The following TRHDE variants were observed in gnomAD, a reference collection of about 807,000 sequenced individuals.
The protein encoded by TRHDE is thyrotropin-releasing hormone-degrading ectoenzyme.
Under a neutral mutation model 125.7 loss-of-function variants are expected in TRHDE, and 72 were observed. The observed-to-expected ratio is 0.57, with a 90% CI of 0.47 to 0.70. TRHDE has a LOEUF of 0.70. TRHDE is among the 30% of genes least tolerant of loss of function. TRHDE has a pLI of 0.00. For synonymous variants in TRHDE, 509 were observed against 509.1 expected (o/e 1.00, Z 0.00); for missense variants, 1,110 against 1,327.1 (o/e 0.84, Z 2.54).
intron 12 of TRHDE, among the ~76,000 whole-genome samples, chr12:72,594,430 C>G (rs890818208): frequency 6.6e-6 from 1 of 150,814 alleles, no homozygotes. Flanking sequence ...GTTGGTCAGG[C>G]TGGTCTCGAA....
At chr12:72,201,834 T>C (rs1877566327) in intron 2 of TRHDE, among the ~76,000 whole-genome samples, 1 of 152,224 alleles carries the variant, frequency 6.6e-6, no homozygotes, top group Non-Finnish European at 1.5e-5. Context: ...TAAAATGTCC[T>C]CTGGTCTCTG....
At chr12:72,160,896 T>C (rs952847199) in intron 2 of TRHDE, among the ~76,000 whole-genome samples, 7 of 152,166 alleles carry the variant, frequency 4.6e-5, no homozygotes, top group African/African-American at 1.7e-4. Context: ...TACTGTTTTG[T>C]TGGCAGTATT....
At position 72,126,233 on chromosome 12, in the gene TRHDE, C is replaced by T. The variant is rs566152250; in HGVS notation, n.279+20481C>T. On this transcript the variant is annotated intron_variant and non_coding_transcript_variant, in intron 2 of 4. Transcript: ENST00000548156. ...TAAATGACGCAAACGGAAACACATTCCATGCTCATGGATTAAAAGATCGGT... is the reference window on the plus strand; with the variant it reads ...TAAATGACGCAAACGGAAACACATTTCATGCTCATGGATTAAAAGATCGGT... Among the ~76,000 whole-genome samples, 13 of 152,258 alleles carry T rather than the reference C, an allele frequency of 8.5e-5. No individual in the cohort carries two copies. The East Asian group carries it at 1.4e-3, about 16-fold the overall frequency.
At chr12:72,521,424 G>A (rs187456349) in intron 6 of TRHDE, among the ~76,000 whole-genome samples, 1 of 152,310 alleles carries the variant, frequency 6.6e-6, no homozygotes, top group African/African-American at 2.4e-5. Context: ...ACCCTGAGTG[G>A]AGATGAGCAT....
At chr12:72,117,486 A>G (rs1030952526) in intron 2 of TRHDE, among the ~76,000 whole-genome samples, 3 of 152,116 alleles carry the variant, frequency 2.0e-5, no homozygotes, top group Admixed American at 2.0e-4. Flanking sequence ...ACAGTTCTGT[A>G]GCATAATTTG....
intron 9 of TRHDE, among the ~76,000 whole-genome samples, chr12:72,566,295 A>C (rs1870438361): frequency 6.6e-6 from 1 of 151,940 alleles, no homozygotes; most frequent in Admixed American, 6.5e-5. Flanking sequence ...GAGTAGAGAA[A>C]AATTATTCTT....
intron 3 of TRHDE, among the ~76,000 whole-genome samples, chr12:72,383,191 C>A (rs145154240): frequency 1.2e-4 from 19 of 152,144 alleles, no homozygotes; most frequent in African/African-American, 4.6e-4. Flanking sequence ...TATATCTATG[C>A]GCCCTATTTT....
intron 15 of TRHDE, among the ~76,000 whole-genome samples, chr12:72,637,502 C>T (rs1463697190): frequency 1.3e-5 from 2 of 151,996 alleles, no homozygotes; most frequent in African/African-American, 2.4e-5. Flanking sequence ...TCTCTATGTC[C>T]TTCAGTTCTG....
At chr12:72,264,083 C>G (rs1215391148) in intron 2 of TRHDE, 1 of 151,994 alleles carries the variant, frequency 6.6e-6, no homozygotes, top group Non-Finnish European at 1.5e-5. Context: ...TAAATTCTAA[C>G]ATGTTCAGGT....
chr12:72,455,740 ATTTAC>A (rs1875812112), intron 3 of TRHDE, among the ~76,000 whole-genome samples: 3 of 152,092 alleles, frequency 2.0e-5, no homozygotes, highest in Admixed American at 2.0e-4. Flanking sequence ...GAGGTATTGT[ATTTAC>A]TTAGCTAATT....
chr12:72,190,462 A>G (rs1351782547), intron 2 of TRHDE, among the ~76,000 whole-genome samples: 1 of 152,166 alleles, frequency 6.6e-6, no homozygotes, highest in Non-Finnish European at 1.5e-5. Flanking sequence ...GTGATTTTCC[A>G]TTTTGTCTGA....
intron 1 of TRHDE, among the ~76,000 whole-genome samples, chr12:72,096,237 C>A (rs1439306618): frequency 6.6e-6 from 1 of 151,634 alleles, no homozygotes; most frequent in Non-Finnish European, 1.5e-5. Context: ...TTTCTCTAAT[C>A]CAGCATTTGG....
chr12:72,504,970 C>T (rs1878299949), intron 6 of TRHDE, among the ~76,000 whole-genome samples: 3 of 152,030 alleles, frequency 2.0e-5, no homozygotes, highest in Admixed American at 2.0e-4. Flanking sequence ...TGATTATTCC[C>T]AGTTCTGTTT....
At chr12:72,381,568 T>C (rs1422462694) in intron 3 of TRHDE, among the ~76,000 whole-genome samples, 2 of 151,792 alleles carry the variant, frequency 1.3e-5, no homozygotes, top group African/African-American at 4.8e-5. Flanking sequence ...GCTAATTTTT[T>C]TGTATTTTTA....
intron 2 of TRHDE, among the ~76,000 whole-genome samples, chr12:72,142,690 A>G (rs1876143148): frequency 6.6e-6 from 1 of 152,136 alleles, no homozygotes; most frequent in Admixed American, 6.5e-5. Context: ...CCCAAACCCC[A>G]GGCTCCAGCA....
At chr12:72,553,900 G>A (rs542849860) in intron 7 of TRHDE, among the ~76,000 whole-genome samples, 2 of 144,786 alleles carry the variant, frequency 1.4e-5, no homozygotes, top group South Asian at 2.2e-4. Flanking sequence ...CCAGGCTGGA[G>A]TACAATGGTA....
chr12:72,148,643 G>A (rs763926563), intron 2 of TRHDE, among the ~76,000 whole-genome samples: 3 of 152,168 alleles, frequency 2.0e-5, no homozygotes, highest in Non-Finnish European at 4.4e-5. Context: ...CCAACAGTGT[G>A]GTTAGCTGCA....
intron 2 of TRHDE, among the ~76,000 whole-genome samples, chr12:72,151,252 T>C (rs879345131): frequency 2.6e-5 from 4 of 152,366 alleles, no homozygotes; most frequent in East Asian, 1.9e-4. Context: ...AGTTGTTTTT[T>C]TCTTGTAAAT....
intron 7 of TRHDE, among the ~76,000 whole-genome samples, chr12:72,550,631 T>C (rs1161905913): frequency 2.0e-5 from 3 of 151,908 alleles, no homozygotes; most frequent in Admixed American, 2.0e-4. Context: ...CATAATATAT[T>C]TCGCTTTGTC....
Sources: gnomAD v4.1 joint callset for allele counts (sites outside exome capture counted in the v4.1 genomes callset) on GRCh38, gnomAD v4.1.1 for gene constraint, MANE v1.5 for transcripts, NCBI Gene and HGNC (gene_info 2026-07-23, HGNC 2026-07-21) for gene names.